Variants in ECPAS observed in about 807,000 individuals in gnomAD.
ECPAS encodes proteasome adapter and scaffold protein ECM29.
Under a neutral mutation model 255.1 loss-of-function variants are expected in ECPAS, and 70 were observed. The observed-to-expected ratio is 0.27, with a 90% confidence interval of 0.23 to 0.33. The LOEUF (loss-of-function observed/expected upper bound fraction) is 0.33, where lower values mean the gene tolerates loss of function less well. ECPAS is among the 10% of genes least tolerant of loss of function. The probability of loss-of-function intolerance (pLI) is 1.00; values close to 1 mark genes in which losing one functional copy is unlikely to be tolerated. For missense variants in ECPAS, 1,817 were observed against 2,206.4 expected (o/e 0.82, Z 3.54); for synonymous variants, 784 against 775.0 (o/e 1.01, Z -0.19).
At chr9:111,483,531 C>A in intron 1 of ECPAS, 1 of 964,784 alleles carries the variant, frequency 1.0e-6, no homozygotes, top group South Asian at 4.8e-5. Context: ...GCGGAGGCGG[C>A]GGCCGCAGCC....
In ECPAS at chr9:111,428,169, A is replaced by C; in HGVS notation, c.931-8T>G. On this transcript the variant is annotated splice_region_variant and splice_polypyrimidine_tract_variant and intron_variant, in intron 9 of 49. Transcript: ENST00000684092. ...TGGCTTCAGAACTGCACCCTGTTGA[A>C]AATATGCTTGATTATAACTCAGCAA... The C allele has an allele frequency of 1.2e-6, 2 of 1,604,686 alleles. No homozygotes were observed. Among genetic ancestry groups the C allele is most frequent in the South Asian group, 1.1e-5 (1 of 88,738 alleles).
chr9:111,466,151 T>A (rs924028373), intron 2 of ECPAS, among the ~76,000 whole-genome samples: 4 of 151,664 alleles, frequency 2.6e-5, no homozygotes, highest in Admixed American at 1.3e-4. Flanking sequence ...TTAAAGCCTA[T>A]GAAAGAACAA....
At position 111,378,664 on chromosome 9, in the gene ECPAS, G is replaced by A. The variant is rs2098136494; in HGVS notation, c.3870C>T (p.Leu1290=). Residue 1290 remains leucine, a synonymous_variant, in exon 36 of 50, where the codon CTC becomes CTT. Coordinates refer to ENST00000684092, the MANE Select transcript of ECPAS (RefSeq NM_001364929.1). The part of the protein sequence containing the change: ...GAMLKPHAPK[L]IPALLESLSV... ...TTAAGGACTCTAGCAGAGCTGGAATGAGTTTTGGTGCATGCGGTTTCAACA... is the reference window on the plus strand; with the variant it reads ...TTAAGGACTCTAGCAGAGCTGGAATAAGTTTTGGTGCATGCGGTTTCAACA... 6.2e-7 allele frequency: 1 copy of A among 1,613,912 alleles called. No individual in the cohort carries two copies. The highest frequency in any genetic ancestry group is 1.3e-5 in the African/African-American group (1 of 75,066).
intron 3 of ECPAS, among the ~76,000 whole-genome samples, chr9:111,449,311 G>C (rs895786831): frequency 8.6e-5 from 13 of 151,900 alleles, no homozygotes; most frequent in Non-Finnish European, 1.5e-4. Flanking sequence ...CCATTAAAAG[G>C]TTAAAACTTT....
intron 4 of ECPAS, among the ~76,000 whole-genome samples, chr9:111,443,803 G>GA (rs1012145752): frequency 2.0e-5 from 3 of 151,516 alleles, no homozygotes; most frequent in Non-Finnish European, 4.4e-5. Context: ...CAAGGACCAG[G>GA]AAAAAAAACA....
Position 111,397,116 on chromosome 9 carries a change from G to A in ECPAS, c.2690C>T (p.Ala897Val). Residue 897 changes from alanine to valine, a missense_variant, in exon 25 of 50, where the codon GCC becomes GTC. Transcript: ENST00000684092. ...AGTTCCTATTGCAGCACTGGTAATG[G>A]CTTCGCCAATAGTGAACTGAAGTTC... ...QIELQFTIGEAITSAAIGTSS... is the reference protein window; with the variant it reads ...QIELQFTIGEVITSAAIGTSS... 1 of 1,613,912 alleles carries A rather than the reference G, an allele frequency of 6.2e-7. No homozygotes were observed. The highest frequency in any genetic ancestry group is 1.3e-5 in the African/African-American group (1 of 75,062).
intron 2 of ECPAS, among the ~76,000 whole-genome samples, chr9:111,456,805 G>A (rs922258507): frequency 2.0e-5 from 3 of 152,132 alleles, no homozygotes; most frequent in African/African-American, 7.2e-5. Flanking sequence ...ACTCTACCAT[G>A]CGTAAGAGCT....
At position 111,417,976 on chromosome 9, in the gene ECPAS, G is replaced by A. The variant is rs1449368573; in HGVS notation, c.1590C>T (p.Arg530=). The stretch of plus-strand genomic sequence containing the variant: ...TTCTACCTGGAAGACACCTTAATAC[G>A]CGTTGTGCTTCTCCATGAACTTCTT... ...PREEVHGEAQ[R]VLRCLPGRNR... The change falls in exon 17 of 50, where the codon CGC becomes CGT. Residue 530 remains arginine (R), a synonymous_variant. Coordinates refer to ENST00000684092, the MANE Select transcript of ECPAS (RefSeq NM_001364929.1). 8 of 1,605,152 alleles carry A rather than the reference G, an allele frequency of 5.0e-6. No individual in the cohort carries two copies. The highest frequency in any genetic ancestry group is 5.1e-6 in the Non-Finnish European group (6 of 1,176,272).
At chr9:111,406,732 T>TG (rs1203342422) in intron 24 of ECPAS, among the ~76,000 whole-genome samples, 1 of 149,154 alleles carries the variant, frequency 6.7e-6, no homozygotes, top group Non-Finnish European at 1.5e-5. Flanking sequence ...AGGGATACCC[T>TG]GTCTCTATAA....
chr9:111,404,618 C>T (rs879846163), intron 24 of ECPAS, among the ~76,000 whole-genome samples: 35 of 149,252 alleles, frequency 2.3e-4, no homozygotes, highest in Middle Eastern at 3.4e-3. Context: ...GCTTCCTCTT[C>T]GCCTTCTGCC....
At chr9:111,419,534 CAGT>C (rs1233845969) in intron 16 of ECPAS, among the ~76,000 whole-genome samples, 1 of 151,790 alleles carries the variant, frequency 6.6e-6, no homozygotes, top group African/African-American at 2.4e-5. Flanking sequence ...CTAGAAAATG[CAGT>C]AGTATAATTC....
chr9:111,424,573 G>A (rs374086397), intron 12 of ECPAS, among the ~76,000 whole-genome samples: 1 of 2,704 alleles, frequency 3.7e-4, no homozygotes, highest in Non-Finnish European at 5.3e-4. Flanking sequence ...ATACAGCAGG[G>A]AAAGGGATTC....
intron 2 of ECPAS, among the ~76,000 whole-genome samples, chr9:111,464,468 A>T (rs1004272215): frequency 5.3e-5 from 8 of 151,970 alleles, no homozygotes; most frequent in Non-Finnish European, 1.2e-4. Context: ...CCAGGAAGAG[A>T]CAAGCACAAG....
intron 35 of ECPAS, among the ~76,000 whole-genome samples, chr9:111,380,486 C>A (rs1359268803): frequency 6.6e-6 from 1 of 152,140 alleles, no homozygotes; most frequent in Non-Finnish European, 1.5e-5. Flanking sequence ...GCAGATTTAG[C>A]AGAATTCTTA....
intron 27 of ECPAS, among the ~76,000 whole-genome samples, chr9:111,393,320 C>T (rs1027983060): frequency 6.6e-6 from 1 of 152,122 alleles, no homozygotes; most frequent in Non-Finnish European, 1.5e-5. Flanking sequence ...AACACATATA[C>T]GTTCACTCTC....
In ECPAS at chr9:111,400,695, T is replaced by C. The variant is rs1330937608; in HGVS notation, c.2653-3542A>G. Among the ~76,000 whole-genome samples the C allele has an allele frequency of 2.0e-5, 3 of 152,300 alleles. No homozygotes were observed. The East Asian group carries it at 5.8e-4, about 29-fold the overall frequency. ...CTGATCAAGTAGAAGAAAGAATTAG[T>C]GAGCTCTGAGACAGGCTACTTGAAA... On this transcript the variant is annotated intron_variant, in intron 24 of 49. Coordinates refer to ENST00000684092, the MANE Select transcript of ECPAS (RefSeq NM_001364929.1).
chr9:111,368,824 A>G (rs2131488606), intron 46 of ECPAS, among the ~76,000 whole-genome samples: 1 of 152,366 alleles, frequency 6.6e-6, no homozygotes, highest in East Asian at 1.9e-4. Context: ...CCAGTCTGTG[A>G]TACTTTCTTA....
chr9:111,372,648 G>T (rs186033127), intron 41 of ECPAS, 28 bp from the exon 42 acceptor site: 2 of 1,545,924 alleles, frequency 1.3e-6, no homozygotes, highest in African/African-American at 1.4e-5. Context: ...AAATCTTTAC[G>T]ATATTTATTG....
At chr9:111,427,986 T>C (rs2131830320) in intron 10 of ECPAS, 56 bp downstream of exon 10, 1 of 1,539,532 alleles carries the variant, frequency 6.5e-7, no homozygotes, top group South Asian at 1.2e-5. Context: ...CTTTCTCTAA[T>C]TAAATAGACA....
Sources: gnomAD v4.1 joint callset for allele counts (sites outside exome capture counted in the v4.1 genomes callset) on GRCh38, gnomAD v4.1.1 for gene constraint, MANE v1.5 for transcripts, NCBI Gene and HGNC (gene_info 2026-07-23, HGNC 2026-07-21) for gene names.